MGAT4C: variants seen among roughly 807,000 people sequenced by gnomAD.
The protein encoded by MGAT4C is alpha-1,3-mannosyl-glycoprotein 4-beta-N-acetylglucosaminyltransferase C.
MGAT4C carries 19 observed loss-of-function variants against 40.1 expected under a neutral mutation model. The observed-to-expected ratio is 0.47, with a 90% CI of 0.33 to 0.70. The LOEUF (loss-of-function observed/expected upper bound fraction) is 0.70, where lower values mean the gene tolerates loss of function less well. Ranked by LOEUF, MGAT4C falls within the 30% of genes least tolerant of loss-of-function variation. The pLI, the probability that MGAT4C is intolerant of heterozygous loss-of-function variation, is 0.02. For synonymous variants in MGAT4C, 181 were observed against 187.1 expected (o/e 0.97, Z 0.27); for missense variants, 491 against 563.2 (o/e 0.87, Z 1.30).
At chr12:86,389,623 T>C (rs964023934) in intron 3 of MGAT4C, among the ~76,000 whole-genome samples, 2 of 152,184 alleles carry the variant, frequency 1.3e-5, no homozygotes, top group African/African-American at 4.8e-5. Context: ...TGCCAAACTG[T>C]CTTCCACAAT....
chr12:86,752,053 A>G (rs1353575207), intron 1 of MGAT4C, among the ~76,000 whole-genome samples: 1 of 152,118 alleles, frequency 6.6e-6, no homozygotes, highest in East Asian at 1.9e-4. Flanking sequence ...AAGCATATCA[A>G]ATATAATAAT....
At chr12:86,818,411 C>T (rs912666836) in intron 1 of MGAT4C, among the ~76,000 whole-genome samples, 7 of 151,030 alleles carry the variant, frequency 4.6e-5, no homozygotes, top group African/African-American at 1.7e-4. Flanking sequence ...TAGTGAACTA[C>T]TCAATAATTA....
At chr12:86,099,086 T>C (rs1874457068) in intron 1 of MGAT4C, among the ~76,000 whole-genome samples, 1 of 151,532 alleles carries the variant, frequency 6.6e-6, no homozygotes, top group East Asian at 1.9e-4. Context: ...ATCAGAATTC[T>C]CTAATTATTT....
intron 2 of MGAT4C, among the ~76,000 whole-genome samples, chr12:86,459,717 T>G (rs932241109): frequency 1.4e-5 from 1 of 73,128 alleles, no homozygotes; most frequent in Non-Finnish European, 2.5e-5. Flanking sequence ...CCCACCCACA[T>G]GCGCATACAT....
At chr12:86,665,693 A>T (rs1378386842) in intron 2 of MGAT4C, among the ~76,000 whole-genome samples, 2 of 152,202 alleles carry the variant, frequency 1.3e-5, no homozygotes, top group Non-Finnish European at 2.9e-5. Flanking sequence ...CAACTTTTAT[A>T]CAAAATATAC....
chr12:86,179,989 C>T (rs1269264873), intron 1 of MGAT4C, among the ~76,000 whole-genome samples: 1 of 152,208 alleles, frequency 6.6e-6, no homozygotes, highest in Non-Finnish European at 1.5e-5. Context: ...ATGGCAGCCG[C>T]TCCCATCACA....
At chr12:86,224,383 T>C (rs752437762) in intron 1 of MGAT4C, among the ~76,000 whole-genome samples, 1 of 152,152 alleles carries the variant, frequency 6.6e-6, no homozygotes, top group East Asian at 1.9e-4. Context: ...CTGCCTGCTT[T>C]AGATAGATCA....
At chr12:86,776,926 C>T (rs1450721312) in intron 1 of MGAT4C, among the ~76,000 whole-genome samples, 1 of 151,930 alleles carries the variant, frequency 6.6e-6, no homozygotes, top group Non-Finnish European at 1.5e-5. Context: ...ATCAATGCAA[C>T]ATAAAAGTAT....
At chr12:86,336,120 G>A (rs1318416286) in intron 3 of MGAT4C, among the ~76,000 whole-genome samples, 1 of 152,152 alleles carries the variant, frequency 6.6e-6, no homozygotes, top group Non-Finnish European at 1.5e-5. Flanking sequence ...TATGTAAATA[G>A]TTGCTATCCT....
At chr12:86,764,662 A>T (rs1951470937) in intron 1 of MGAT4C, among the ~76,000 whole-genome samples, 1 of 151,680 alleles carries the variant, frequency 6.6e-6, no homozygotes, top group African/African-American at 2.4e-5. Flanking sequence ...CTCCTCTGAG[A>T]CAAAACTTCC....
chr12:86,158,928 A>G (rs1260404856), intron 1 of MGAT4C, among the ~76,000 whole-genome samples: 1 of 152,162 alleles, frequency 6.6e-6, no homozygotes. Flanking sequence ...CAATTCTAGG[A>G]GTCTTTAGGC....
chr12:86,545,207 C>T (rs547935631), intron 2 of MGAT4C, among the ~76,000 whole-genome samples: 1 of 152,096 alleles, frequency 6.6e-6, no homozygotes, highest in South Asian at 2.1e-4. Context: ...TAAATGATGA[C>T]TTATACACTT....
intron 1 of MGAT4C, among the ~76,000 whole-genome samples, chr12:86,810,289 G>T (rs1216175555): frequency 6.6e-6 from 1 of 151,778 alleles, no homozygotes; most frequent in African/African-American, 2.4e-5. Flanking sequence ...TCTACAAATG[G>T]TGAGTTTTGT....
At chr12:86,142,346 T>A (rs1882952478) in intron 1 of MGAT4C, among the ~76,000 whole-genome samples, 1 of 152,104 alleles carries the variant, frequency 6.6e-6, no homozygotes, top group Non-Finnish European at 1.5e-5. Context: ...GTCAATTCCA[T>A]TTTCTCCCTT....
intron 3 of MGAT4C, among the ~76,000 whole-genome samples, chr12:86,368,280 T>C (rs924426663): frequency 2.0e-5 from 3 of 152,118 alleles, no homozygotes; most frequent in Non-Finnish European, 2.9e-5. Flanking sequence ...AGCTAGGGAG[T>C]GTAATTTAAA....
chr12:86,829,631 T>C (rs756474175), intron 1 of MGAT4C, among the ~76,000 whole-genome samples: 1 of 151,520 alleles, frequency 6.6e-6, no homozygotes, highest in Non-Finnish European at 1.5e-5. Context: ...CAGTGACCTA[T>C]AGCAAAAAGA....
intron 1 of MGAT4C, among the ~76,000 whole-genome samples, chr12:86,229,051 TA>T (rs1951210464): frequency 6.6e-6 from 1 of 151,930 alleles, no homozygotes; most frequent in African/African-American, 2.4e-5. Flanking sequence ...TCAGATACTA[TA>T]ACTATTATAA....
intron 2 of MGAT4C, among the ~76,000 whole-genome samples, chr12:86,659,968 C>T (rs1041926489): frequency 2.7e-5 from 4 of 150,196 alleles, no homozygotes; most frequent in South Asian, 2.1e-4. Context: ...CATGTCAGAA[C>T]GAGGAAGCAA....
intron 1 of MGAT4C, among the ~76,000 whole-genome samples, chr12:86,249,645 G>C (rs989493685): frequency 6.6e-6 from 1 of 152,092 alleles, no homozygotes; most frequent in East Asian, 1.9e-4. Flanking sequence ...AATCTGTTCT[G>C]ATACCTTGGT....
Sources: allele counts gnomAD v4.1 joint callset (sites outside exome capture counted in the v4.1 genomes callset), GRCh38; gene constraint gnomAD v4.1.1; transcripts MANE v1.5; gene names NCBI Gene and HGNC (gene_info 2026-07-23, HGNC 2026-07-21).